Variants in SORCS2 observed in about 807,000 individuals in gnomAD.
SORCS2 encodes sortilin related VPS10 domain containing receptor 2.
Under a neutral mutation model 141.6 loss-of-function variants are expected in SORCS2, and 100 were observed. The ratio of observed to expected loss-of-function variants is 0.71; its 90% CI spans 0.60 to 0.83. The LOEUF (loss-of-function observed/expected upper bound fraction) is 0.83, where lower values mean the gene tolerates loss of function less well. Among genes scored for constraint, SORCS2 ranks in the 40% least tolerant of loss-of-function variants. The pLI is 0.00. For synonymous variants in SORCS2, 789 were observed against 676.9 expected (o/e 1.17, Z -2.57); for missense variants, 1,646 against 1,560.2 (o/e 1.05, Z -0.93).
chr4:7,734,647 G>C (rs1004942652), intron 25 of SORCS2, among the ~76,000 whole-genome samples: 1 of 152,156 alleles, frequency 6.6e-6, no homozygotes, highest in African/African-American at 2.4e-5. Context: ...CCATCATGCT[G>C]TTCAGCCCCA....
intron 1 of SORCS2, among the ~76,000 whole-genome samples, chr4:7,340,691 G>T (rs1720320004): frequency 6.6e-6 from 1 of 152,204 alleles, no homozygotes; most frequent in Admixed American, 6.5e-5. Context: ...AGCTCCAGCT[G>T]CAGGCCCCAC....
intron 1 of SORCS2, among the ~76,000 whole-genome samples, chr4:7,236,674 T>A (rs1158429174): frequency 6.6e-6 from 1 of 152,160 alleles, no homozygotes; most frequent in Non-Finnish European, 1.5e-5. Context: ...TTCTGCCTCC[T>A]GGGTTTAAGC....
chr4:7,483,651 C>T (rs1030489036), intron 2 of SORCS2, among the ~76,000 whole-genome samples: 2 of 151,920 alleles, frequency 1.3e-5, no homozygotes, highest in East Asian at 1.9e-4. Context: ...GCAATGCCCA[C>T]GTGTCTTCCA....
chr4:7,734,267 T>G lies in SORCS2; in HGVS notation c.3209-5T>G. ...GTCCTCCACTGACAACCGCTTTGCT[T>G]GCAGGTGCTGAGCAGCTGGGCGGCG... On this transcript the variant is annotated splice_polypyrimidine_tract_variant and splice_region_variant and intron_variant, in intron 24 of 26. Transcript: ENST00000507866. The G allele has an allele frequency of 6.3e-7, 1 of 1,591,998 alleles. No individual in the cohort carries two copies. Among genetic ancestry groups the G allele is most frequent in the Non-Finnish European group, 8.5e-7 (1 of 1,170,478 alleles).
At chr4:7,717,874 G>A (rs1726296895) in intron 17 of SORCS2, 138 bp from the exon 18 acceptor site, 2 of 831,696 alleles carry the variant, frequency 2.4e-6, no homozygotes, top group South Asian at 2.2e-5. Flanking sequence ...GGAGGTGACT[G>A]GGAGTTAGCA....
intron 3 of SORCS2, among the ~76,000 whole-genome samples, chr4:7,625,057 T>C (rs1719433996): frequency 6.6e-6 from 1 of 152,242 alleles, no homozygotes; most frequent in Non-Finnish European, 1.5e-5. Flanking sequence ...ACCCAAGATT[T>C]TCCAAGTTAG....
intron 8 of SORCS2, among the ~76,000 whole-genome samples, chr4:7,672,847 G>T (rs768946361): frequency 6.6e-6 from 1 of 152,208 alleles, no homozygotes; most frequent in Non-Finnish European, 1.5e-5. Context: ...TGAGATGCTA[G>T]TGGAATTGTC....
At chr4:7,511,873 T>G (rs1732676947) in intron 2 of SORCS2, among the ~76,000 whole-genome samples, 1 of 152,106 alleles carries the variant, frequency 6.6e-6, no homozygotes, top group African/African-American at 2.4e-5. Context: ...GGGGGAAATG[T>G]CCCTAATGGA....
chr4:7,555,723 C>T (rs1413243938), intron 3 of SORCS2, among the ~76,000 whole-genome samples: 2 of 152,210 alleles, frequency 1.3e-5, no homozygotes, highest in African/African-American at 2.4e-5. Context: ...TTAAAAGTTG[C>T]TCTAGAAGGG....
At chr4:7,219,167 A>ATTTG (rs1166678584) in intron 1 of SORCS2, among the ~76,000 whole-genome samples, 1 of 94,004 alleles carries the variant, frequency 1.1e-5, no homozygotes, top group Non-Finnish European at 2.1e-5. Flanking sequence ...CTTTTTGTCT[A>ATTTG]TGCTGTGTGT....
intron 3 of SORCS2, among the ~76,000 whole-genome samples, chr4:7,554,791 G>T (rs1560382156): frequency 6.6e-6 from 1 of 152,094 alleles, no homozygotes; most frequent in Non-Finnish European, 1.5e-5. Flanking sequence ...CTCCAGAGAG[G>T]GCAATGCACA....
intron 2 of SORCS2, among the ~76,000 whole-genome samples, chr4:7,489,349 G>A (rs1180788172): frequency 6.6e-6 from 1 of 152,186 alleles, no homozygotes; most frequent in Non-Finnish European, 1.5e-5. Context: ...CTGCGTCGTC[G>A]CTGGTGCCTT....
At chr4:7,513,906 G>A (rs1351373808) in intron 2 of SORCS2, among the ~76,000 whole-genome samples, 1 of 152,214 alleles carries the variant, frequency 6.6e-6, no homozygotes, top group Non-Finnish European at 1.5e-5. Context: ...TTATTATGGT[G>A]CTGTGGCTGG....
chr4:7,591,252 C>CCTCTCT (rs1716896231), intron 3 of SORCS2, among the ~76,000 whole-genome samples: 1 of 152,208 alleles, frequency 6.6e-6, no homozygotes, highest in African/African-American at 2.4e-5. Context: ...GCTGCTGCCT[C>CCTCTCT]CTCTCTCCTT....
At chr4:7,699,226 G>A (rs996436348) in intron 12 of SORCS2, among the ~76,000 whole-genome samples, 1 of 152,154 alleles carries the variant, frequency 6.6e-6, no homozygotes, top group Non-Finnish European at 1.5e-5. Context: ...TGCTCAAGGC[G>A]CAGGAAACCA....
At chr4:7,396,051 T>C (rs1724189005) in intron 1 of SORCS2, among the ~76,000 whole-genome samples, 1 of 152,216 alleles carries the variant, frequency 6.6e-6, no homozygotes, top group Admixed American at 6.5e-5. Context: ...TGGATTCAGA[T>C]GTTCCCAGAG....
At chr4:7,248,249 G>A (rs1428984270) in intron 1 of SORCS2, among the ~76,000 whole-genome samples, 1 of 152,226 alleles carries the variant, frequency 6.6e-6, no homozygotes, top group African/African-American at 2.4e-5. Flanking sequence ...GAGGCTGTGT[G>A]TGGAGGGTGT....
rs181687243 is a variant in SORCS2 at position 7,484,443 on chromosome 4, A to C, written c.549-47087A>C. Among the ~76,000 whole-genome samples, 157 of 152,236 alleles carry C rather than the reference A, an allele frequency of 1.0e-3. 1 individual carries two copies. Among genetic ancestry groups the C allele is most frequent in the Middle Eastern group, 6.8e-3 (2 of 292 alleles). On this transcript the variant is annotated intron_variant, in intron 2 of 26. Coordinates refer to ENST00000507866, the MANE Select transcript of SORCS2 (RefSeq NM_020777.3). ...CAGCCGGAGCGGCCTGCTGGGGATC[A>C]AGGTGGTGTTGCCGTGGGAAGGAAC...
chr4:7,738,274 C>T (rs1024369050), intron 26 of SORCS2, among the ~76,000 whole-genome samples: 234 of 152,370 alleles, frequency 1.5e-3, no homozygotes, highest in African/African-American at 5.2e-3. Context: ...CCCTGCATGC[C>T]GTGTCGGGCA....
Sources: allele counts gnomAD v4.1 joint callset (sites outside exome capture counted in the v4.1 genomes callset), GRCh38; gene constraint gnomAD v4.1.1; transcripts MANE v1.5; gene names NCBI Gene and HGNC (gene_info 2026-07-23, HGNC 2026-07-21).